Variants in SOX5 observed in about 807,000 individuals in gnomAD.
SOX5 encodes the protein SRY-box transcription factor 5, also known as transcription factor SOX-5.
SOX5 carries 9 observed loss-of-function variants against 92.0 expected under a neutral mutation model. The ratio of observed to expected loss-of-function variants is 0.10; its 90% confidence interval spans 0.06 to 0.17. The LOEUF (loss-of-function observed/expected upper bound fraction) is 0.17. Ranked by LOEUF, SOX5 falls within the 10% of genes least tolerant of loss-of-function variation. SOX5 has a pLI of 1.00. For missense variants in SOX5, 642 were observed against 944.5 expected (o/e 0.68, Z 4.20); for synonymous variants, 344 against 336.3 (o/e 1.02, Z -0.25).
chr12:23,569,211 C>G (rs1459585660), intron 10 of SOX5, among the ~76,000 whole-genome samples: 1 of 151,998 alleles, frequency 6.6e-6, no homozygotes, highest in Non-Finnish European at 1.5e-5. Flanking sequence ...ATAAAAATAT[C>G]TATTTATCTC....
At chr12:23,582,151 T>C (rs1370920905) in intron 9 of SOX5, 1 of 985,176 alleles carries the variant, frequency 1.0e-6, no homozygotes, top group African/African-American at 1.7e-5. Context: ...TGTGCACTGT[T>C]GCCGCACCTC....
At chr12:24,074,106 C>G (rs1370485909) in intron 4 of SOX5, among the ~76,000 whole-genome samples, 2 of 152,024 alleles carry the variant, frequency 1.3e-5, no homozygotes, top group African/African-American at 2.4e-5. Context: ...CCACACAGCT[C>G]TTGTTCCTCT....
chr12:23,975,575 T>C (rs1948807969), intron 4 of SOX5, among the ~76,000 whole-genome samples: 2 of 152,150 alleles, frequency 1.3e-5, no homozygotes, highest in African/African-American at 4.8e-5. Flanking sequence ...AGTGGGACAG[T>C]GTGATGTCAT....
At chr12:23,810,255 G>T (rs148333317) in intron 3 of SOX5, among the ~76,000 whole-genome samples, 1 of 152,262 alleles carries the variant, frequency 6.6e-6, no homozygotes, top group African/African-American at 2.4e-5. Flanking sequence ...GATAAGTGTG[G>T]CATGCAGCAC....
chr12:23,537,207 ATAATAT>A (rs941336343), intron 13 of SOX5, among the ~76,000 whole-genome samples: 100 of 152,092 alleles, frequency 6.6e-4, no homozygotes, highest in African/African-American at 2.1e-3. Context: ...AATTAAAATT[ATAATAT>A]TAATAAACAT....
intron 4 of SOX5, among the ~76,000 whole-genome samples, chr12:24,157,742 G>T (rs1952339876): frequency 6.6e-6 from 1 of 152,042 alleles, no homozygotes; most frequent in Admixed American, 6.6e-5. Context: ...CATTCCCCTT[G>T]ATACCATCTG....
intron 3 of SOX5, among the ~76,000 whole-genome samples, chr12:23,766,899 G>A (rs775790211): frequency 2.6e-4 from 39 of 152,018 alleles, no homozygotes; most frequent in Non-Finnish European, 5.1e-4. Flanking sequence ...CAAAGATTTT[G>A]CATAACTCTT....
intron 3 of SOX5, among the ~76,000 whole-genome samples, chr12:23,786,721 G>C (rs1459321055): frequency 2.1e-5 from 3 of 145,074 alleles, no homozygotes; most frequent in Non-Finnish European, 4.6e-5. Flanking sequence ...TGAAAGCCAA[G>C]TATTATAACA....
rs568956299 is a variant in SOX5, at chr12:24,272,210, A to G, written c.-77+5006T>C. On this transcript the variant is annotated intron_variant, in intron 3 of 4. Coordinates refer to the SOX5 transcript ENST00000446891. ...CCCATAGAAATATTGTGCATCTCTTATTACCAGAAACTAGAAAAAATGATG... is the reference window on the plus strand; with the variant it reads ...CCCATAGAAATATTGTGCATCTCTTGTTACCAGAAACTAGAAAAAATGATG... Among the ~76,000 whole-genome samples, 5 of 152,278 alleles carry G rather than the reference A, an allele frequency of 3.3e-5. No homozygotes were observed. In the East Asian group the frequency reaches 9.6e-4, roughly 29 times the overall value.
At chr12:23,579,977 CAAAGTA>C (rs950667010) in intron 9 of SOX5, among the ~76,000 whole-genome samples, 7 of 151,954 alleles carry the variant, frequency 4.6e-5, no homozygotes, top group Admixed American at 1.3e-4. Context: ...CATTTATACA[CAAAGTA>C]AGAGTTAAGA....
chr12:24,257,103 A>C (rs1285537769), intron 3 of SOX5, among the ~76,000 whole-genome samples: 1 of 152,228 alleles, frequency 6.6e-6, no homozygotes, highest in Non-Finnish European at 1.5e-5. Flanking sequence ...CTGGGTACAG[A>C]AAGTCATGGC....
intron 4 of SOX5, among the ~76,000 whole-genome samples, chr12:24,136,966 A>C (rs149800227): frequency 6.6e-6 from 1 of 152,320 alleles, no homozygotes; most frequent in East Asian, 1.9e-4. Flanking sequence ...CCAAAATCTC[A>C]TACTGTGCTC....
Position 24,393,247 on chromosome 12 carries a change from C to T in SOX5, c.-250-24608G>A, listed in dbSNP as rs570133768. 2.6e-5 allele frequency among the ~76,000 whole-genome samples: 4 copies of T among 152,302 alleles called. No homozygotes were observed. The South Asian group carries it at 8.3e-4, about 32-fold the overall frequency. On this transcript the variant is annotated intron_variant, in intron 1 of 4. Coordinates refer to the SOX5 transcript ENST00000446891. This position sits in a 1 kb window ranked among gnomAD's most constrained non-coding sequence, Gnocchi z 5.0. ...TAGCAGACAAATCCTGTTCCCCATT[C>T]TAAATTCTGTCTACTAAACAAATTA...
intron 4 of SOX5, among the ~76,000 whole-genome samples, chr12:24,210,041 A>G (rs945904075): frequency 6.6e-6 from 1 of 150,424 alleles, no homozygotes; most frequent in East Asian, 1.9e-4. Flanking sequence ...AAAAAAAAAA[A>G]AAAAAGAAAT....
chr12:24,162,050 C>T (rs1380490781), intron 4 of SOX5, among the ~76,000 whole-genome samples: 1 of 152,016 alleles, frequency 6.6e-6, no homozygotes, highest in Admixed American at 6.6e-5. Context: ...AGAATACTGG[C>T]AGTAAACAGA....
At chr12:23,607,741 C>A (rs1052640586) in intron 8 of SOX5, among the ~76,000 whole-genome samples, 1 of 152,048 alleles carries the variant, frequency 6.6e-6, no homozygotes, top group Non-Finnish European at 1.5e-5. Context: ...ACTGGAAGGC[C>A]ACCTGAAATA....
chr12:24,165,386 C>A lies in SOX5; in HGVS notation c.-2+47957G>T, dbSNP rs921571121. ...ATGAATCCCACAAATGTTTCATAAA[C>A]CATAAAAATTCCTATTTTATTTCTG... On this transcript the variant is annotated intron_variant, in intron 4 of 4. Coordinates refer to the SOX5 transcript ENST00000446891. Among the ~76,000 whole-genome samples, 4 of 152,152 alleles carry A rather than the reference C, an allele frequency of 2.6e-5. No individual in the cohort carries two copies. In the East Asian group the frequency reaches 7.7e-4, roughly 29 times the overall value.
chr12:23,914,971 C>CTTT (rs1568938636), intron 1 of SOX5, among the ~76,000 whole-genome samples: 1 of 152,052 alleles, frequency 6.6e-6, no homozygotes, highest in African/African-American at 2.4e-5. Context: ...AAGGACCTAA[C>CTTT]ATAAAGCATA....
intron 4 of SOX5, among the ~76,000 whole-genome samples, chr12:24,144,080 C>T (rs945455194): frequency 6.7e-6 from 1 of 150,160 alleles, no homozygotes; most frequent in Non-Finnish European, 1.5e-5. Flanking sequence ...CCACAAGCAG[C>T]CAGAAAAAAA....
Sources: allele counts gnomAD v4.1 joint callset (sites outside exome capture counted in the v4.1 genomes callset), GRCh38; gene constraint gnomAD v4.1.1; non-coding constraint Gnocchi (gnomAD v3.1); transcripts MANE v1.5; gene names NCBI Gene and HGNC (gene_info 2026-07-23, HGNC 2026-07-21).